ADGRF1: variants seen among roughly 807,000 people sequenced by gnomAD.
ADGRF1 encodes G protein-coupled receptor 110.
A neutral mutation model predicts 87.2 loss-of-function variants in ADGRF1; 85 were observed. That is an observed-to-expected ratio of 0.97 (90% CI 0.82 to 1.17). ADGRF1 has a LOEUF of 1.17. Ranked by LOEUF, ADGRF1 falls within the 50% of genes most tolerant of loss-of-function variation. The pLI is 0.00. For synonymous variants in ADGRF1, 430 were observed against 408.8 expected (o/e 1.05, Z -0.63); for missense variants, 1,169 against 1,077.2 (o/e 1.09, Z -1.19).
At position 47,024,040 on chromosome 6, in the gene ADGRF1, T is replaced by C; in HGVS notation, c.451+4A>G. 1.2e-6 allele frequency: 2 copies of C among 1,613,134 alleles called. No individual in the cohort carries two copies. The highest frequency in any genetic ancestry group is 1.7e-6 in the Non-Finnish European group (2 of 1,179,420). On this transcript the variant is annotated splice_donor_region_variant and intron_variant, in intron 5 of 14. Transcript: ENST00000371253. Reference sequence around the variant, plus strand: ...CCCAGCCCAGAGCATTCTTAGTTGCTTACTTGTTCTCTCACAGAAATTGAC... The same window carrying C: ...CCCAGCCCAGAGCATTCTTAGTTGCCTACTTGTTCTCTCACAGAAATTGAC...
intron 12 of ADGRF1, 78 bp from the exon 13 acceptor site, chr6:47,005,954 A>G: frequency 2.3e-6 from 2 of 861,456 alleles, no homozygotes; most frequent in Non-Finnish European, 3.7e-6. Flanking sequence ...CTGCAGGTTG[A>G]AATGGTTATT....
At chr6:47,001,433 T>G (rs1779360165) in intron 14 of ADGRF1, 68 bp downstream of exon 14, 1 of 1,265,496 alleles carries the variant, frequency 7.9e-7, no homozygotes, top group African/African-American at 1.5e-5. Flanking sequence ...CCATTGAATT[T>G]TATTCATATG....
intron 1 of ADGRF1, among the ~76,000 whole-genome samples, chr6:47,032,299 G>A (rs181209558): frequency 2.1e-4 from 32 of 152,226 alleles, no homozygotes; most frequent in Admixed American, 2.0e-3. Flanking sequence ...TGCTTCCTTG[G>A]TGCATATAGC....
chr6:47,016,449 G>A (rs1779881206), intron 8 of ADGRF1, among the ~76,000 whole-genome samples, 168 bp downstream of exon 8: 2 of 152,216 alleles, frequency 1.3e-5, no homozygotes, highest in African/African-American at 4.8e-5. Context: ...GTCAGTTGAA[G>A]CTAAGTTTCA....
intron 7 of ADGRF1, chr6:47,020,304 C>T (rs1780007160): frequency 5.9e-6 from 6 of 1,010,210 alleles, no homozygotes; most frequent in Non-Finnish European, 8.1e-6. Flanking sequence ...ACCAGTGTGG[C>T]CAACATGGTG....
intron 6 of ADGRF1, among the ~76,000 whole-genome samples, chr6:47,021,659 T>C (rs1305172343): frequency 6.6e-6 from 1 of 151,886 alleles, no homozygotes. Context: ...CCATGCCCGG[T>C]CCATAAAAAT....
intron 8 of ADGRF1, 60 bp downstream of exon 8, chr6:47,016,557 A>G (rs1779884119): frequency 2.9e-6 from 4 of 1,402,498 alleles, no homozygotes; most frequent in Non-Finnish European, 3.8e-6. Context: ...TGAGGACACA[A>G]ATGAACTACT....
rs1027704605 is a variant in ADGRF1, at chr6:47,007,249, A to G, written c.2532+4T>C. 1 of 1,547,926 alleles carries G rather than the reference A, an allele frequency of 6.5e-7. No homozygotes were observed. Among genetic ancestry groups the G allele is most frequent in the African/African-American group, 1.4e-5 (1 of 73,442 alleles). ...GGGTTAATGAGAGAAATAAATACAC[A>G]TACCTTACTGTCCAAGAGTATTCCA... is the stretch of plus-strand genomic sequence containing the variant. On this transcript the variant is annotated splice_donor_region_variant and intron_variant, in intron 12 of 14. Coordinates refer to ENST00000371253, the MANE Select transcript of ADGRF1 (RefSeq NM_153840.4).
chr6:47,015,077 C>G (rs996563332), intron 8 of ADGRF1, among the ~76,000 whole-genome samples: 1 of 152,060 alleles, frequency 6.6e-6, no homozygotes, highest in Non-Finnish European at 1.5e-5. Flanking sequence ...TCCAGGTGTC[C>G]GATCTGTGCC....
At chr6:47,040,650 C>A (rs1014766663) in intron 1 of ADGRF1, among the ~76,000 whole-genome samples, 1 of 152,162 alleles carries the variant, frequency 6.6e-6, no homozygotes, top group Non-Finnish European at 1.5e-5. Context: ...CTTGTGCACC[C>A]TTGTGACGCA....
In ADGRF1 at chr6:46,999,211, A is replaced by T. The variant is rs1779292013; in HGVS notation, c.*1011T>A. The T allele has an allele frequency of 6.6e-6, 1 of 152,238 alleles. No individual in the cohort carries two copies. Among genetic ancestry groups the T allele is most frequent in the South Asian group, 2.1e-4 (1 of 4,824 alleles). 9.4% of individuals were successfully genotyped at this position (152,238 alleles called of 1,614,324 possible). On this transcript the variant is annotated 3_prime_UTR_variant, in exon 15 of 15. Coordinates refer to ENST00000371253, the MANE Select transcript of ADGRF1 (RefSeq NM_153840.4). Reference sequence around the variant, plus strand: ...AAAGTGGCACTGGCTGTACAAGAAAATAACTTCCACAAAGTGCCTATGGTG... The same window carrying T: ...AAAGTGGCACTGGCTGTACAAGAAATTAACTTCCACAAAGTGCCTATGGTG...
At chr6:47,029,177 A>G (rs1780337536) in intron 1 of ADGRF1, 73 bp from the exon 2 acceptor site, 1 of 833,672 alleles carries the variant, frequency 1.2e-6, no homozygotes. Context: ...AAAAATGCAC[A>G]AAGTGGTAAG....
intron 1 of ADGRF1, among the ~76,000 whole-genome samples, chr6:47,041,386 C>T (rs951574792): frequency 6.6e-6 from 1 of 152,118 alleles, no homozygotes; most frequent in Admixed American, 6.6e-5. Flanking sequence ...TAATGGATCT[C>T]AGCATGAAAA....
intron 5 of ADGRF1, among the ~76,000 whole-genome samples, chr6:47,023,089 A>G (rs1375712847): frequency 6.6e-6 from 1 of 152,194 alleles, no homozygotes; most frequent in East Asian, 1.9e-4. Flanking sequence ...TGCTAGGATT[A>G]CAAGTGTAAG....
chr6:47,028,987 A>C lies in ADGRF1; in HGVS notation c.69+6T>G. 6.2e-7 allele frequency: 1 copy of C among 1,612,462 alleles called. No individual in the cohort carries two copies. The highest frequency in any genetic ancestry group is 8.5e-7 in the Non-Finnish European group (1 of 1,178,588). ...AGAAGAGATATGAGACATAGCACCA[A>C]CTCACCCCCAGGAAGCCACCGTGGC... On this transcript the variant is annotated splice_donor_region_variant and intron_variant, in intron 2 of 14. Coordinates refer to ENST00000371253, the MANE Select transcript of ADGRF1 (RefSeq NM_153840.4).
intron 1 of ADGRF1, among the ~76,000 whole-genome samples, chr6:47,031,331 TTCTCTCTCTCTCTCTCTCTGTCTCTC>T (rs1780419669): frequency 1.6e-5 from 2 of 128,254 alleles, no homozygotes; most frequent in African/African-American, 5.9e-5. Flanking sequence ...TCTCTCTCTC[TTCTCTCTCTCTCTCTCTCTGTCTCTC>T]TCTCTCTCTC....
At chr6:47,007,496 G>A (rs1779566066) in intron 11 of ADGRF1, among the ~76,000 whole-genome samples, 1 of 152,174 alleles carries the variant, frequency 6.6e-6, no homozygotes, top group African/African-American at 2.4e-5. Context: ...TCAAAAAAAT[G>A]TTTTGTTGAT....
In ADGRF1 at chr6:47,016,628, A is replaced by T; in HGVS notation, c.752T>A (p.Val251Glu). Residue 251 changes from valine (V) to glutamate (E), a missense_variant, in exon 8 of 15, where the codon GTG becomes GAG. Transcript: ENST00000371253. ...GAATCCAGCATTACCTTTTCCGAAC[A>T]CTCTGAAAGAGCCGTCTTCTAATGG... ...LFPLEDGSFR[V>E]FGKAQCNDIV... 1 of 1,603,088 alleles carries T rather than the reference A, an allele frequency of 6.2e-7. No homozygotes were observed. Among genetic ancestry groups the T allele is most frequent in the South Asian group, 1.1e-5 (1 of 89,908 alleles).
intron 4 of ADGRF1, among the ~76,000 whole-genome samples, chr6:47,025,367 C>A (rs1780198097): frequency 6.6e-6 from 1 of 152,198 alleles, no homozygotes; most frequent in Non-Finnish European, 1.5e-5. Context: ...GGGGACCATG[C>A]TTTAAGAATC....
Sources: allele counts gnomAD v4.1 joint callset (sites outside exome capture counted in the v4.1 genomes callset), GRCh38; gene constraint gnomAD v4.1.1; transcripts MANE v1.5; gene names NCBI Gene and HGNC (gene_info 2026-07-23, HGNC 2026-07-21).